Variants in ARL15 observed in about 807,000 individuals in gnomAD.
ARL15 encodes the protein ARF like GTPase 15, also known as ADP-ribosylation factor-like protein 15.
ARL15 carries 19 observed loss-of-function variants against 25.2 expected under a neutral mutation model. The ratio of observed to expected loss-of-function variants is 0.75; its 90% CI spans 0.53 to 1.10. ARL15 has a LOEUF of 1.10. Among genes scored for constraint, ARL15 ranks in the 50% least tolerant of loss-of-function variants. The probability of loss-of-function intolerance (pLI) is 0.00; values close to 1 mark genes in which losing one functional copy is unlikely to be tolerated. For synonymous variants in ARL15, 94 were observed against 86.8 expected (o/e 1.08, Z -0.46); for missense variants, 220 against 246.0 (o/e 0.89, Z 0.71).
At chr5:54,215,967 G>A (rs1194780136) in intron 1 of ARL15, among the ~76,000 whole-genome samples, 1 of 152,058 alleles carries the variant, frequency 6.6e-6, no homozygotes, top group East Asian at 1.9e-4. Flanking sequence ...AGAATCAAGG[G>A]CCTCCTATTG....
chr5:54,306,057 G>C (rs766600988), intron 1 of ARL15, among the ~76,000 whole-genome samples: 12 of 152,152 alleles, frequency 7.9e-5, no homozygotes, highest in Non-Finnish European at 1.6e-4. Context: ...AACCTGTCCT[G>C]CCACAGGTTC....
At chr5:53,912,215 C>T (rs199941684) in intron 4 of ARL15, 14 of 152,088 alleles carry the variant, frequency 9.2e-5, no homozygotes, top group East Asian at 3.9e-4. Context: ...TTCCATTTTT[C>T]GAAGCTAGGA....
At chr5:54,114,532 G>A (rs552110893) in intron 3 of ARL15, among the ~76,000 whole-genome samples, 3 of 151,662 alleles carry the variant, frequency 2.0e-5, no homozygotes, top group Non-Finnish European at 4.4e-5. Flanking sequence ...CTGGAATAAT[G>A]AAAATTGAGG....
intron 1 of ARL15, among the ~76,000 whole-genome samples, chr5:54,236,947 G>A (rs6879661): frequency 0.15 from 23,188 of 152,152 alleles, 2,089 homozygotes; most frequent in Middle Eastern, 0.27. Context: ...AGGTATGGCC[G>A]TACGACATCA....
chr5:54,306,917 A>C (rs1758771929), intron 1 of ARL15, among the ~76,000 whole-genome samples: 1 of 152,136 alleles, frequency 6.6e-6, no homozygotes, highest in South Asian at 2.1e-4. Flanking sequence ...ATCTTGTCCA[A>C]CCTCCCAGGA....
chr5:54,138,901 C>T (rs1299845269), intron 3 of ARL15, among the ~76,000 whole-genome samples: 1 of 152,016 alleles, frequency 6.6e-6, no homozygotes, highest in South Asian at 2.1e-4. Flanking sequence ...AAATGGTCAA[C>T]AAACATGTGA....
rs367935101 is a variant in ARL15, at chr5:54,003,867, AG to A, written c.462+109334del. On this transcript the variant is annotated intron_variant, in intron 4 of 4. Coordinates refer to ENST00000504924, the MANE Select transcript of ARL15 (RefSeq NM_019087.3). ...AACATAAAAAACTGTTAGAAACAAA[AG>A]TAAGCGTATCAGTCAGTAACTTTAA... Among the ~76,000 whole-genome samples, 11 of 152,330 alleles carry A rather than the reference AG, an allele frequency of 7.2e-5. No homozygotes were observed. In the South Asian group the frequency reaches 2.1e-3, roughly 29 times the overall value.
chr5:54,216,537 C>G (rs10513041), intron 1 of ARL15, among the ~76,000 whole-genome samples: 29,254 of 152,088 alleles, frequency 0.19, 3,307 homozygotes, highest in Admixed American at 0.26. Flanking sequence ...TTTCCACATA[C>G]TCAGCATAAG....
chr5:54,212,247 G>A (rs1000299329), intron 1 of ARL15, among the ~76,000 whole-genome samples: 1 of 152,140 alleles, frequency 6.6e-6, no homozygotes, highest in Non-Finnish European at 1.5e-5. Flanking sequence ...TCAATCCCTG[G>A]TTTAAACAAA....
At chr5:54,229,213 G>C (rs912049345) in intron 1 of ARL15, among the ~76,000 whole-genome samples, 3 of 152,142 alleles carry the variant, frequency 2.0e-5, no homozygotes, top group African/African-American at 7.2e-5. Flanking sequence ...TTGGACAGTA[G>C]CAAAAGCCTG....
At position 53,886,633 on chromosome 5, in the gene ARL15, A is replaced by C. The variant is rs539166965; in HGVS notation, c.543T>G (p.Asp181Glu). Reference protein sequence around the residue: ...ILQPCSLDDMDALKDSFSQLI... With the variant: ...ILQPCSLDDMEALKDSFSQLI... ...GCTGAGAGAAGCTGTCTTTCAGTGC[A>C]TCCATGTCATCCAGTGAGCAGGGCT... The change falls in exon 5 of 5, where the codon GAT becomes GAG. Residue 181 changes from aspartate (D) to glutamate (E), a missense_variant. Asp to Glu is a conservative substitution (Grantham distance 45). Coordinates refer to ENST00000504924, the MANE Select transcript of ARL15 (RefSeq NM_019087.3). 85 of 1,571,610 alleles carry C rather than the reference A, an allele frequency of 5.4e-5. 1 individual carries two copies. The Middle Eastern group carries it at 6.5e-3, about 120-fold the overall frequency.
At chr5:54,173,171 G>A (rs181522666) in intron 1 of ARL15, among the ~76,000 whole-genome samples, 11 of 148,470 alleles carry the variant, frequency 7.4e-5, no homozygotes, top group Admixed American at 1.4e-4. Flanking sequence ...CAAAAAGAGC[G>A]AGACTCCATC....
intron 4 of ARL15, among the ~76,000 whole-genome samples, chr5:54,100,225 A>G (rs1242277309): frequency 6.6e-6 from 1 of 152,186 alleles, no homozygotes; most frequent in South Asian, 2.1e-4. Context: ...AGACACATGT[A>G]TATGTAGTCA....
At chr5:54,071,510 T>G (rs369081260) in intron 4 of ARL15, among the ~76,000 whole-genome samples, 1 of 64,092 alleles carries the variant, frequency 1.6e-5, no homozygotes, top group Non-Finnish European at 2.9e-5. Flanking sequence ...CCACCGCCTT[T>G]CCCCCCCCCC....
intron 1 of ARL15, among the ~76,000 whole-genome samples, chr5:54,208,037 C>A (rs1177439615): frequency 6.6e-6 from 1 of 152,052 alleles, no homozygotes. Context: ...CCCTTTTCCC[C>A]CTTGCTTCCC....
intron 1 of ARL15, among the ~76,000 whole-genome samples, chr5:54,219,159 C>T (rs1248547159): frequency 6.6e-6 from 1 of 152,104 alleles, no homozygotes; most frequent in Non-Finnish European, 1.5e-5. Flanking sequence ...AAGAGATCCA[C>T]TTATTAATTA....
intron 1 of ARL15, among the ~76,000 whole-genome samples, chr5:54,203,346 A>C (rs6879693): frequency 0.36 from 54,201 of 152,070 alleles, 10,141 homozygotes; most frequent in African/African-American, 0.4. Flanking sequence ...TACCATTAAC[A>C]TTAACTATAT....
At chr5:54,231,649 T>C (rs992916526) in intron 1 of ARL15, among the ~76,000 whole-genome samples, 17 of 152,160 alleles carry the variant, frequency 1.1e-4, no homozygotes, top group African/African-American at 4.1e-4. Flanking sequence ...TTCTCACAGT[T>C]CTGCAGGTCG....
intron 4 of ARL15, among the ~76,000 whole-genome samples, chr5:53,987,872 G>T (rs1580144888): frequency 6.6e-6 from 1 of 152,338 alleles, no homozygotes; most frequent in East Asian, 1.9e-4. Flanking sequence ...GAAGGCCGAG[G>T]TGGGCGGATC....
Sources: gnomAD v4.1 joint callset for allele counts (sites outside exome capture counted in the v4.1 genomes callset) on GRCh38, gnomAD v4.1.1 for gene constraint, MANE v1.5 for transcripts, NCBI Gene and HGNC (gene_info 2026-07-23, HGNC 2026-07-21) for gene names.